ARHGAP15: variants seen among roughly 807,000 people sequenced by gnomAD.
ARHGAP15 encodes the protein rho GTPase-activating protein 15.
Under a neutral mutation model 63.7 loss-of-function variants are expected in ARHGAP15, and 51 were observed. That is an observed-to-expected ratio of 0.80 (90% CI 0.64 to 1.01). The LOEUF is 1.01. Among genes scored for constraint, ARHGAP15 ranks in the 50% least tolerant of loss-of-function variants. The pLI, the probability that ARHGAP15 is intolerant of heterozygous loss-of-function variation, is 0.00. For synonymous variants in ARHGAP15, 191 were observed against 193.8 expected, an observed-to-expected ratio of 0.99 and a Z score of 0.12; for missense variants, 560 against 564.6, an observed-to-expected ratio of 0.99 and a Z score of 0.08.
intron 11 of ARHGAP15, among the ~76,000 whole-genome samples, chr2:143,613,008 T>C (rs1698316280): frequency 6.6e-6 from 1 of 152,198 alleles, no homozygotes; most frequent in Non-Finnish European, 1.5e-5. Context: ...TAGGCCTATC[T>C]CCTTTTGAGA....
chr2:143,645,330 T>G (rs1217896443), intron 12 of ARHGAP15, among the ~76,000 whole-genome samples: 1 of 152,114 alleles, frequency 6.6e-6, no homozygotes, highest in Non-Finnish European at 1.5e-5. Flanking sequence ...TTGTACCATA[T>G]AATTATTATG....
At chr2:143,495,397 TATATTTCTCTTTTTGGTA>T (rs1397500253) in intron 9 of ARHGAP15, among the ~76,000 whole-genome samples, 2 of 152,204 alleles carry the variant, frequency 1.3e-5, no homozygotes, top group Non-Finnish European at 2.9e-5. Flanking sequence ...GGGCTTGGCT[TATATTTCTCTTTTTGGTA>T]ATTTTAATCA....
intron 12 of ARHGAP15, among the ~76,000 whole-genome samples, chr2:143,650,989 G>A (rs1266298079): frequency 2.0e-5 from 3 of 151,854 alleles, no homozygotes; most frequent in Admixed American, 2.0e-4. Context: ...GGAAACTCCT[G>A]TATCTCTATG....
At chr2:143,465,640 T>C (rs2105171148) in intron 8 of ARHGAP15, among the ~76,000 whole-genome samples, 1 of 152,242 alleles carries the variant, frequency 6.6e-6, no homozygotes, top group African/African-American at 2.4e-5. Flanking sequence ...CATGCATATA[T>C]TACATGAAAA....
chr2:143,673,614 TA>T (rs973422364), intron 12 of ARHGAP15, among the ~76,000 whole-genome samples: 1 of 150,340 alleles, frequency 6.7e-6, no homozygotes, highest in Non-Finnish European at 1.5e-5. Flanking sequence ...AATCTTAATG[TA>T]AAAATATAAA....
chr2:143,587,916 A>C, intron 11 of ARHGAP15: 1 of 251,588 alleles, frequency 4.0e-6, no homozygotes, highest in Non-Finnish European at 8.3e-6. Flanking sequence ...CAACTAACTG[A>C]ACCCATTAAA....
chr2:143,714,573 A>G (rs1462888464), intron 13 of ARHGAP15, among the ~76,000 whole-genome samples: 1 of 152,238 alleles, frequency 6.6e-6, no homozygotes, highest in Non-Finnish European at 1.5e-5. Context: ...TCAGGCTGCA[A>G]ATTTTCTGAA....
At chr2:143,193,190 T>C (rs1391410227) in intron 2 of ARHGAP15, among the ~76,000 whole-genome samples, 1 of 152,188 alleles carries the variant, frequency 6.6e-6, no homozygotes, top group Non-Finnish European at 1.5e-5. Context: ...AAATTGTCAC[T>C]TGTAGTATTA....
chr2:143,510,312 C>T (rs927363513), intron 9 of ARHGAP15, among the ~76,000 whole-genome samples: 1 of 152,026 alleles, frequency 6.6e-6, no homozygotes, highest in Non-Finnish European at 1.5e-5. Flanking sequence ...ATGGAAACTA[C>T]GAGGGCTGTA....
At chr2:143,489,931 C>A (rs1351427997) in intron 9 of ARHGAP15, among the ~76,000 whole-genome samples, 1 of 152,174 alleles carries the variant, frequency 6.6e-6, no homozygotes, top group African/African-American at 2.4e-5. Context: ...TGGGCCTTAA[C>A]AATTGTGCTT....
chr2:143,388,406 G>A (rs1687392188), intron 6 of ARHGAP15, among the ~76,000 whole-genome samples: 1 of 152,178 alleles, frequency 6.6e-6, no homozygotes, highest in Admixed American at 6.5e-5. Context: ...TACTTTGTAT[G>A]TATCACTGAA....
chr2:143,485,153 C>T (rs1027192832), intron 8 of ARHGAP15, among the ~76,000 whole-genome samples: 1 of 152,092 alleles, frequency 6.6e-6, no homozygotes, highest in Non-Finnish European at 1.5e-5. Context: ...TATACATGTG[C>T]CATGGTGGTT....
At chr2:143,627,192 AG>A (rs1459758665) in intron 12 of ARHGAP15, among the ~76,000 whole-genome samples, 1 of 152,186 alleles carries the variant, frequency 6.6e-6, no homozygotes, top group African/African-American at 2.4e-5. Context: ...TTTTTATAGT[AG>A]GCCAAATGGA....
intron 6 of ARHGAP15, among the ~76,000 whole-genome samples, chr2:143,254,078 G>C (rs1353858200): frequency 6.6e-6 from 1 of 152,134 alleles, no homozygotes. Flanking sequence ...ATCAGGGATA[G>C]AGTGAATAAA....
intron 3 of ARHGAP15, among the ~76,000 whole-genome samples, chr2:143,206,358 T>C (rs1289504075): frequency 2.0e-5 from 3 of 152,188 alleles, no homozygotes; most frequent in Non-Finnish European, 4.4e-5. Context: ...ATTAAAAGTT[T>C]ATTAAAACAA....
At chr2:143,307,001 G>C (rs1028310720) in intron 6 of ARHGAP15, among the ~76,000 whole-genome samples, 4 of 152,070 alleles carry the variant, frequency 2.6e-5, no homozygotes, top group African/African-American at 9.7e-5. Context: ...CTCCTCTGAG[G>C]CTCAGGGTCC....
intron 12 of ARHGAP15, among the ~76,000 whole-genome samples, chr2:143,660,952 AT>A (rs1296047821): frequency 2.0e-5 from 3 of 152,246 alleles, no homozygotes; most frequent in African/African-American, 7.2e-5. Context: ...CTGGGTTAAA[AT>A]CAGAGTGTTC....
chr2:143,298,894 T>G (rs1325239171), intron 6 of ARHGAP15, among the ~76,000 whole-genome samples: 1 of 151,958 alleles, frequency 6.6e-6, no homozygotes, highest in Non-Finnish European at 1.5e-5. Context: ...TTGTCCCCAC[T>G]TTACAGATAT....
intron 13 of ARHGAP15, among the ~76,000 whole-genome samples, chr2:143,755,139 G>T (rs1686525167): frequency 6.6e-6 from 1 of 152,030 alleles, no homozygotes; most frequent in African/African-American, 2.4e-5. Flanking sequence ...TTCAAAGATT[G>T]TTCAACCTTC....
Sources: gnomAD v4.1 joint callset for allele counts (sites outside exome capture counted in the v4.1 genomes callset) on GRCh38, gnomAD v4.1.1 for gene constraint, MANE v1.5 for transcripts, NCBI Gene and HGNC (gene_info 2026-07-23, HGNC 2026-07-21) for gene names.